The following ATIC variants were observed in gnomAD, a reference collection of about 807,000 sequenced individuals.
ATIC encodes the protein 5-aminoimidazole-4-carboxamide ribonucleotide formyltransferase/IMP cyclohydrolase.
ATIC carries 64 observed loss-of-function variants against 72.5 expected under a neutral mutation model. The ratio of observed to expected loss-of-function variants is 0.88; its 90% CI spans 0.72 to 1.09. ATIC has a LOEUF of 1.09. Ranked by LOEUF, ATIC falls within the 50% of genes least tolerant of loss-of-function variation. The probability of loss-of-function intolerance (pLI) is 0.00; values close to 1 mark genes in which losing one functional copy is unlikely to be tolerated. For missense variants in ATIC, 787 were observed against 732.4 expected, an observed-to-expected ratio of 1.07 and a Z score of -0.86; for synonymous variants, 281 against 267.1, an observed-to-expected ratio of 1.05 and a Z score of -0.51.
chr2:215,319,209 T>C (rs896505009), intron 3 of ATIC, among the ~76,000 whole-genome samples: 1 of 152,164 alleles, frequency 6.6e-6, no homozygotes, highest in Middle Eastern at 3.2e-3. Flanking sequence ...AATTTTTTTG[T>C]TTGATAACTC....
chr2:215,331,983 A>G (rs1042844625), intron 7 of ATIC, among the ~76,000 whole-genome samples: 1 of 152,128 alleles, frequency 6.6e-6, no homozygotes, highest in African/African-American at 2.4e-5. Context: ...TTAATTTTGT[A>G]CTGTCTCTGT....
intron 4 of ATIC, among the ~76,000 whole-genome samples, chr2:215,324,045 C>A (rs569406574): frequency 9.9e-5 from 15 of 151,536 alleles, no homozygotes; most frequent in Non-Finnish European, 7.4e-5. Context: ...TGCAGGCGTG[C>A]GCCACCTTGC....
rs773142647 is a variant in ATIC, at chr2:215,336,055, C to T, written c.1029C>T (p.Ala343=). The change falls in exon 11 of 16, where the codon GCC becomes GCT. Residue 343 remains alanine (A), a synonymous_variant. Coordinates refer to ENST00000236959, the MANE Select transcript of ATIC (RefSeq NM_004044.7). ...ISREVSDGII[A]PGYEEEALTI... is the part of the protein sequence containing the mutation. ...TGCAGGTATCTGATGGTATAATTGC[C>T]CCAGGATATGAAGAAGAAGCCTTGA... 1 of 1,611,272 alleles carries T rather than the reference C, an allele frequency of 6.2e-7. No individual in the cohort carries two copies. Among genetic ancestry groups the T allele is most frequent in the African/African-American group, 1.3e-5 (1 of 74,784 alleles).
chr2:215,322,049 C>T (rs941176686), intron 4 of ATIC, among the ~76,000 whole-genome samples: 11 of 151,972 alleles, frequency 7.2e-5, no homozygotes, highest in Non-Finnish European at 1.3e-4. Flanking sequence ...TACAGGTGCC[C>T]GCCACCACAC....
chr2:215,317,697 C>T (rs2052725023), intron 2 of ATIC, among the ~76,000 whole-genome samples: 1 of 152,112 alleles, frequency 6.6e-6, no homozygotes, highest in South Asian at 2.1e-4. Context: ...TCATGTTGGC[C>T]AGGCTGGTCT....
intron 15 of ATIC, 64 bp downstream of exon 15, chr2:215,349,313 C>G (rs781303804): frequency 1.2e-6 from 2 of 1,608,794 alleles, no homozygotes; most frequent in Non-Finnish European, 1.7e-6. Flanking sequence ...TTTCAGAAAT[C>G]CTGCTTTTGA....
At chr2:215,342,608 T>C (rs2053031071) in intron 12 of ATIC, among the ~76,000 whole-genome samples, 1 of 152,212 alleles carries the variant, frequency 6.6e-6, no homozygotes, top group African/African-American at 2.4e-5. Context: ...CAACCACAAA[T>C]CTGTTTTTCC....
chr2:215,363,114 G>A, the ATIC span: 5 of 152,228 alleles, frequency 3.3e-5, 1 homozygote, highest in South Asian at 1.0e-3. Context: ...CACAATACCA[G>A]TGACTACCTC....
At position 215,322,589 on chromosome 2, in the gene ATIC, C is replaced by T. The variant is rs558772609; in HGVS notation, c.291-2652C>T. On this transcript the variant is annotated intron_variant, in intron 4 of 15. Coordinates refer to ENST00000236959, the MANE Select transcript of ATIC (RefSeq NM_004044.7). Reference sequence around the variant, plus strand: ...TCAGGTGATCCACCTGCCTCGGTCTCCCAAAGTGCTGGGATTACAAGTGTG... The same window carrying T: ...TCAGGTGATCCACCTGCCTCGGTCTTCCAAAGTGCTGGGATTACAAGTGTG... Among the ~76,000 whole-genome samples the T allele has an allele frequency of 2.2e-4, 33 of 152,194 alleles. 1 individual carries two copies. Among genetic ancestry groups the T allele is most frequent in the Middle Eastern group, 6.8e-3 (2 of 294 alleles).
intron 4 of ATIC, among the ~76,000 whole-genome samples, chr2:215,323,382 A>T (rs1056911292): frequency 2.0e-5 from 3 of 152,190 alleles, no homozygotes; most frequent in African/African-American, 7.2e-5. Context: ...TTGAATCTGT[A>T]GATCAATTTG....
At chr2:215,312,418 C>G (rs2052663327) in intron 1 of ATIC, 80 bp from the exon 2 acceptor site, 2 of 1,609,690 alleles carry the variant, frequency 1.2e-6, no homozygotes, top group Admixed American at 1.7e-5. Flanking sequence ...CGAGAATCTC[C>G]TCCCCCAGAC....
chr2:215,352,167 T>C (rs1225458951), downstream of ATIC, among the ~76,000 whole-genome samples: 1 of 152,222 alleles, frequency 6.6e-6, no homozygotes, highest in Non-Finnish European at 1.5e-5. Context: ...CTAAAGTGTT[T>C]AGTTAATATG....
chr2:215,314,958 CAG>C (rs372467378), intron 2 of ATIC, among the ~76,000 whole-genome samples: 24 of 152,210 alleles, frequency 1.6e-4, no homozygotes, highest in Admixed American at 5.2e-4. Flanking sequence ...GACCCAAAGA[CAG>C]AGGAAAAACC....
At chr2:215,333,566 A>C in intron 9 of ATIC, 109 bp downstream of exon 9, 1 of 746,074 alleles carries the variant, frequency 1.3e-6, no homozygotes. Flanking sequence ...TATTCTGTAT[A>C]ATATATAGAT....
intron 4 of ATIC, among the ~76,000 whole-genome samples, chr2:215,324,629 G>A (rs1290884544): frequency 3.3e-5 from 5 of 152,102 alleles, no homozygotes; most frequent in African/African-American, 4.8e-5. Flanking sequence ...GAGCCTGCCC[G>A]TAGAGCTCCT....
the ATIC span, chr2:215,365,454 T>G: frequency 1.3e-6 from 2 of 1,584,886 alleles, no homozygotes; most frequent in Non-Finnish European, 1.7e-6. Flanking sequence ...AGCCTGATAA[T>G]GAAAGTGAGA....
At chr2:215,350,224 C>T (rs1288352808), downstream of ATIC, among the ~76,000 whole-genome samples, 1 of 152,162 alleles carries the variant, frequency 6.6e-6, no homozygotes, top group Non-Finnish European at 1.5e-5. Context: ...GCAACCTCCG[C>T]CTCCCGGGTT....
At chr2:215,319,887 T>C (rs1174707140) in intron 4 of ATIC, among the ~76,000 whole-genome samples, 156 bp downstream of exon 4, 1 of 152,218 alleles carries the variant, frequency 6.6e-6, no homozygotes, top group Non-Finnish European at 1.5e-5. Flanking sequence ...TTGGCCAGAT[T>C]TATATACCAA....
intron 1 of ATIC, 78 bp downstream of exon 1, chr2:215,312,239 G>C: frequency 6.9e-7 from 1 of 1,446,484 alleles, no homozygotes; most frequent in Non-Finnish European, 9.0e-7. Context: ...GCGGCCGGCG[G>C]GACCCGGCAC....
Sources: gnomAD v4.1 joint callset for allele counts (sites outside exome capture counted in the v4.1 genomes callset) on GRCh38, gnomAD v4.1.1 for gene constraint, MANE v1.5 for transcripts, NCBI Gene and HGNC (gene_info 2026-07-23, HGNC 2026-07-21) for gene names.